The following LRRC9 variants were observed in gnomAD, a reference collection of about 807,000 sequenced individuals.
LRRC9 encodes the protein leucine rich repeat containing 9.
In LRRC9, 122 loss-of-function variants were observed where a neutral mutation model predicts 63.2. That is an observed-to-expected ratio of 1.93 (90% CI 1.67 to 2.24). The LOEUF is 2.24. LRRC9 is among the 30% of genes most tolerant of loss of function. The pLI, the probability that LRRC9 is intolerant of heterozygous loss-of-function variation, is 0.00. For synonymous variants in LRRC9, 366 were observed against 213.1 expected, an observed-to-expected ratio of 1.72 and a Z score of -6.25; for missense variants, 1,071 against 627.7, an observed-to-expected ratio of 1.71 and a Z score of -7.55.
chr14:59,984,423 A>G (rs1887243894), intron 16 of LRRC9, among the ~76,000 whole-genome samples: 1 of 152,200 alleles, frequency 6.6e-6, no homozygotes, highest in Admixed American at 6.5e-5. Context: ...TTTATTTTGC[A>G]AGCTATACAT....
chr14:60,018,790 C>T (rs2140278994), intron 25 of LRRC9, among the ~76,000 whole-genome samples: 1 of 151,956 alleles, frequency 6.6e-6, no homozygotes, highest in East Asian at 1.9e-4. Flanking sequence ...TTATTATTTA[C>T]TTGACTCAGG....
At chr14:59,981,551 C>T (rs758861112) in intron 15 of LRRC9, among the ~76,000 whole-genome samples, 10 of 152,144 alleles carry the variant, frequency 6.6e-5, no homozygotes, top group Non-Finnish European at 1.3e-4. Flanking sequence ...CAGTTCAGTC[C>T]TTTCTGATTC....
At chr14:59,976,491 T>C (rs974226744) in intron 13 of LRRC9, among the ~76,000 whole-genome samples, 3 of 152,158 alleles carry the variant, frequency 2.0e-5, no homozygotes, top group South Asian at 2.1e-4. Context: ...CAGTTTTTTA[T>C]CCAGTTAATA....
intron 26 of LRRC9, among the ~76,000 whole-genome samples, chr14:60,021,987 A>G (rs2140291053): frequency 1.3e-5 from 2 of 151,926 alleles, no homozygotes; most frequent in East Asian, 1.9e-4. Flanking sequence ...TTCTTTATAA[A>G]TTTTAGGATA....
chr14:60,000,674 GA>G (rs1889275796), intron 19 of LRRC9, among the ~76,000 whole-genome samples: 1 of 151,936 alleles, frequency 6.6e-6, no homozygotes, highest in Admixed American at 6.6e-5. Context: ...TTTTTTTGAA[GA>G]AAATATGAAA....
At chr14:60,016,906 A>G in intron 24 of LRRC9, 116 bp downstream of exon 24, 1 of 523,018 alleles carries the variant, frequency 1.9e-6, no homozygotes, top group East Asian at 2.9e-5. Context: ...AATTCATAAA[A>G]TTATCTACTG....
At chr14:60,041,983 C>A (rs1041555025) in intron 29 of LRRC9, among the ~76,000 whole-genome samples, 11 of 152,240 alleles carry the variant, frequency 7.2e-5, no homozygotes, top group African/African-American at 2.4e-4. Flanking sequence ...GGACCCTCAG[C>A]TGCAGGTCTG....
At chr14:60,029,322 C>G (rs762234907) in intron 28 of LRRC9, among the ~76,000 whole-genome samples, 46 of 152,052 alleles carry the variant, frequency 3.0e-4, no homozygotes, top group South Asian at 1.2e-3. Context: ...ACATCACACA[C>G]GCCATCGAGC....
At chr14:59,929,135 A>G (rs530815941) in intron 3 of LRRC9, among the ~76,000 whole-genome samples, 1 of 152,268 alleles carries the variant, frequency 6.6e-6, no homozygotes, top group South Asian at 2.1e-4. Context: ...GTAAACAGAC[A>G]ATCTACAGAA....
At chr14:59,980,234 T>A (rs1886784341) in intron 15 of LRRC9, among the ~76,000 whole-genome samples, 1 of 152,160 alleles carries the variant, frequency 6.6e-6, no homozygotes, top group Non-Finnish European at 1.5e-5. Context: ...AATGAATAAA[T>A]ACTTAGGCAT....
rs181857170 is a variant in LRRC9 at position 60,054,387 on chromosome 14, A to C, written c.4131+1182A>C. 1.4e-3 allele frequency among the ~76,000 whole-genome samples: 205 copies of C among 151,834 alleles called. 2 individuals carry two copies. The highest frequency in any genetic ancestry group is 2.2e-4 in the Non-Finnish European group (15 of 67,926). On this transcript the variant is annotated intron_variant, in intron 30 of 31. Transcript: ENST00000445360. Reference sequence around the variant, plus strand: ...ACTTTGGAAAGTCTGGATAAAGGGCACTCTCTCTCTCCCCACCCCTTCCAA... The same window carrying C: ...ACTTTGGAAAGTCTGGATAAAGGGCCCTCTCTCTCTCCCCACCCCTTCCAA...
At chr14:59,994,720 A>T (rs1888552742) in intron 17 of LRRC9, among the ~76,000 whole-genome samples, 1 of 152,232 alleles carries the variant, frequency 6.6e-6, no homozygotes, top group East Asian at 1.9e-4. Flanking sequence ...AGGGACATGG[A>T]TGAAGCTGGA....
intron 30 of LRRC9, among the ~76,000 whole-genome samples, chr14:60,055,576 C>T (rs1018873801): frequency 2.0e-5 from 3 of 151,920 alleles, no homozygotes; most frequent in African/African-American, 7.2e-5. Flanking sequence ...GTCTGAAAAC[C>T]GGTATTAAAG....
chr14:59,998,842 A>G (rs899094393), intron 18 of LRRC9, among the ~76,000 whole-genome samples: 1 of 152,030 alleles, frequency 6.6e-6, no homozygotes, highest in Admixed American at 6.6e-5. Flanking sequence ...TTCTTTTAAC[A>G]CTTTTCACCG....
At position 59,927,816 on chromosome 14, in the gene LRRC9, G is replaced by A; in HGVS notation, c.-33-95G>A. 3.9e-6 allele frequency: 2 copies of A among 513,406 alleles called. No individual in the cohort carries two copies. Among genetic ancestry groups the A allele is most frequent in the Non-Finnish European group, 6.8e-6 (2 of 292,716 alleles). The allele number at this position is 513,406 out of a possible 1,614,324, so 31.8% of individuals were successfully genotyped here. A position where few individuals can be genotyped will look rare whatever the true frequency, so the allele number is the denominator to read the frequency against. Reference sequence around the variant, plus strand: ...TACTATGTGAAGATTTCAAACTACAGTTGGGTGGTTCAACCTCAGTAGCTT... The same window carrying A: ...TACTATGTGAAGATTTCAAACTACAATTGGGTGGTTCAACCTCAGTAGCTT... On this transcript the variant is annotated intron_variant, in intron 1 of 31. Coordinates refer to ENST00000445360, the Ensembl canonical transcript of LRRC9. This position sits in a 1 kb window ranked among gnomAD's most constrained non-coding sequence, Gnocchi z 4.4.
chr14:60,041,310 C>T (rs771955364), intron 29 of LRRC9, among the ~76,000 whole-genome samples: 2 of 152,204 alleles, frequency 1.3e-5, no homozygotes, highest in African/African-American at 2.4e-5. Flanking sequence ...TTGCCTGCCT[C>T]GCTAGGTTGG....
chr14:60,009,824 CA>C (rs1890115972), intron 23 of LRRC9, among the ~76,000 whole-genome samples: 1 of 152,164 alleles, frequency 6.6e-6, no homozygotes, highest in Admixed American at 6.5e-5. Flanking sequence ...TGGGCCAAAA[CA>C]AAGGGGCTAC....
chr14:59,981,800 T>C (rs1412415153), intron 15 of LRRC9, 48 bp from the exon 16 acceptor site: 1 of 652,118 alleles, frequency 1.5e-6, no homozygotes, highest in Non-Finnish European at 2.7e-6. Context: ...TTTTTCAAAA[T>C]GATAAATACA....
intron 1 of LRRC9, 84 bp downstream of exon 1, chr14:59,920,357 G>A (rs1308836899): frequency 1.3e-5 from 2 of 152,264 alleles, no homozygotes; most frequent in Non-Finnish European, 1.5e-5. Flanking sequence ...GCCATACCAA[G>A]GGGAAGACGC....
Sources: gnomAD v4.1 joint callset for allele counts (sites outside exome capture counted in the v4.1 genomes callset) on GRCh38, gnomAD v4.1.1 for gene constraint, Gnocchi (gnomAD v3.1) non-coding constraint, MANE v1.5 for transcripts, NCBI Gene and HGNC (gene_info 2026-07-23, HGNC 2026-07-21) for gene names.